Variants in CBFB observed in about 807,000 individuals in gnomAD.
CBFB encodes CBF-beta.
CBFB carries 9 observed loss-of-function variants against 30.4 expected under a neutral mutation model. The ratio of observed to expected loss-of-function variants is 0.30; its 90% CI spans 0.18 to 0.52. The LOEUF (loss-of-function observed/expected upper bound fraction) is 0.52. Among genes scored for constraint, CBFB ranks in the 20% least tolerant of loss-of-function variants. The pLI, the probability that CBFB is intolerant of heterozygous loss-of-function variation, is 0.97. For synonymous variants in CBFB, 94 were observed against 84.0 expected (o/e 1.12, Z -0.65); for missense variants, 170 against 244.0 (o/e 0.70, Z 2.02).
intron 3 of CBFB, among the ~76,000 whole-genome samples, chr16:67,048,752 A>C (rs1597131714): frequency 7.0e-6 from 1 of 143,026 alleles, no homozygotes; most frequent in Non-Finnish European, 1.5e-5. Context: ...ACGGGTTTTC[A>C]CCATGTTAGC....
At chr16:67,029,861 C>A in intron 2 of CBFB, 48 bp downstream of exon 2, 1 of 1,408,736 alleles carries the variant, frequency 7.1e-7, no homozygotes, top group Non-Finnish European at 9.6e-7. Context: ...TTGCGCGGGG[C>A]CGCGGCGGCC....
intron 4 of CBFB, among the ~76,000 whole-genome samples, chr16:67,074,947 CT>C (rs1795158671): frequency 6.6e-6 from 1 of 152,136 alleles, no homozygotes; most frequent in Non-Finnish European, 1.5e-5. Context: ...AATCCCAACA[CT>C]TTGGGTGGCC....
intron 5 of CBFB, 67 bp from the exon 6 acceptor site, chr16:67,098,641 ATT>A: frequency 1.1e-6 from 1 of 911,758 alleles, no homozygotes; most frequent in East Asian, 2.5e-5. Flanking sequence ...ACTGTCTTGT[ATT>A]TTGTATATCT....
Position 67,029,363 on chromosome 16 carries a change from G to C in CBFB, c.-45G>C. The C allele has an allele frequency of 1.4e-6, 2 of 1,411,568 alleles. No individual in the cohort carries two copies. Among genetic ancestry groups the C allele is most frequent in the African/African-American group, 1.5e-5 (1 of 66,340 alleles). 87.4% of individuals were successfully genotyped at this position (1,411,568 alleles called of 1,614,324 possible). ...GCGGAGCCAGCCAGCGGGTGCCCGC[G>C]CAAGCCCCGAGCGCGGCCGGCCGGC... On this transcript the variant is annotated 5_prime_UTR_variant, in exon 1 of 6. Coordinates refer to ENST00000412916, the MANE Select transcript of CBFB (RefSeq NM_022845.3).
intron 3 of CBFB, among the ~76,000 whole-genome samples, chr16:67,056,410 G>A (rs1960725122): frequency 6.6e-6 from 1 of 152,162 alleles, no homozygotes; most frequent in Non-Finnish European, 1.5e-5. Flanking sequence ...GAAGATGTTA[G>A]GCTAGAAGGA....
chr16:67,098,707 C>T lies in CBFB; in HGVS notation c.496-3C>T, dbSNP rs369408651. On this transcript the variant is annotated splice_region_variant and splice_polypyrimidine_tract_variant and intron_variant, in intron 5 of 5. Transcript: ENST00000412916. ...ACCCCAAATTATGATTTTGTCATTG[C>T]AGGCAAGAAGACAACAAGACCCTAG... 6 of 1,595,534 alleles carry T rather than the reference C, an allele frequency of 3.8e-6. No homozygotes were observed. The highest frequency in any genetic ancestry group is 4.3e-6 in the Non-Finnish European group (5 of 1,163,956).
intron 1 of CBFB, 72 bp downstream of exon 1, chr16:67,029,557 G>C: frequency 6.8e-7 from 1 of 1,471,178 alleles, no homozygotes; most frequent in Non-Finnish European, 9.2e-7. Context: ...AAAAGTTTGG[G>C]CGGCACGGTC....
At chr16:67,047,031 G>A (rs1434495055) in intron 3 of CBFB, among the ~76,000 whole-genome samples, 1 of 151,966 alleles carries the variant, frequency 6.6e-6, no homozygotes, top group South Asian at 2.1e-4. Flanking sequence ...CATTTGAAGG[G>A]CCGGGCGCAG....
intron 4 of CBFB, among the ~76,000 whole-genome samples, chr16:67,074,677 G>A (rs564371501): frequency 5.3e-5 from 8 of 151,972 alleles, no homozygotes; most frequent in Non-Finnish European, 7.4e-5. Flanking sequence ...CACTGTGCCC[G>A]GCCGAAACAG....
chr16:67,029,455 G>GT lies in CBFB; in HGVS notation c.54dup (p.Arg19Ter). 1.9e-6 allele frequency: 3 copies of GT among 1,592,084 alleles called. No individual in the cohort carries two copies. The highest frequency in any genetic ancestry group is 1.4e-5 in the African/African-American group (1 of 72,552). ...AGAGAAGCAAGTTCGAGAACGAGGA[G>GT]TTTTTTAGGAAGCTGAGCCGCGAGT... is the stretch of plus-strand genomic sequence containing the variant. On this transcript the variant is annotated frameshift_variant, in exon 1 of 6. Coordinates refer to ENST00000412916, the MANE Select transcript of CBFB (RefSeq NM_022845.3). LOFTEE classifies it high-confidence loss of function.
intron 4 of CBFB, among the ~76,000 whole-genome samples, chr16:67,076,185 G>A (rs1247504618): frequency 2.7e-5 from 4 of 147,822 alleles, no homozygotes; most frequent in Non-Finnish European, 4.4e-5. Context: ...AGCTGAGATC[G>A]CGCCACTGCA....
intron 4 of CBFB, among the ~76,000 whole-genome samples, chr16:67,069,227 G>T (rs552619432): frequency 1.3e-5 from 2 of 151,814 alleles, no homozygotes; most frequent in East Asian, 1.9e-4. Flanking sequence ...AAAAAACGCC[G>T]AGTGTTGTGG....
At chr16:67,048,550 GTTT>G (rs1166361600) in intron 3 of CBFB, among the ~76,000 whole-genome samples, 3 of 151,974 alleles carry the variant, frequency 2.0e-5, no homozygotes, top group Non-Finnish European at 4.4e-5. Context: ...ACTGAATGGT[GTTT>G]TTTGTTTGTT....
At chr16:67,029,909 C>T (rs1398164074) in intron 2 of CBFB, 96 bp downstream of exon 2, 2 of 744,350 alleles carry the variant, frequency 2.7e-6, no homozygotes, top group African/African-American at 3.8e-5. Context: ...TGCTGCGGCT[C>T]CCGGAACTGA....
chr16:67,042,895 G>A (rs989093999), intron 3 of CBFB, among the ~76,000 whole-genome samples: 1 of 151,998 alleles, frequency 6.6e-6, no homozygotes, highest in African/African-American at 2.4e-5. Flanking sequence ...GCCACCACAT[G>A]TGGCTAATTT....
intron 3 of CBFB, among the ~76,000 whole-genome samples, chr16:67,050,917 T>C (rs1327775464): frequency 6.6e-6 from 1 of 152,184 alleles, no homozygotes; most frequent in Admixed American, 6.6e-5. Flanking sequence ...ACTAAGTAAC[T>C]AATGGACACA....
intron 3 of CBFB, among the ~76,000 whole-genome samples, chr16:67,057,442 T>C (rs1960763873): frequency 6.6e-6 from 1 of 152,184 alleles, no homozygotes; most frequent in African/African-American, 2.4e-5. Flanking sequence ...CATCTTTGAT[T>C]AAGTTTTAGG....
chr16:67,029,212 C>T lies in CBFB; in HGVS notation c.-196C>T. ...GAGGCGGCGGCGGCGGCGGCGGCGG[C>T]GTGGGTTGGGCTCGAGCGGGCGGCG... On this transcript the variant is annotated 5_prime_UTR_variant, in exon 1 of 6. Transcript: ENST00000412916. 3.9e-6 allele frequency: 1 copy of T among 253,970 alleles called. No individual in the cohort carries two copies. The highest frequency in any genetic ancestry group is 7.0e-6 in the Non-Finnish European group (1 of 142,670). The allele number at this position is 253,970 out of a possible 1,614,324, so 15.7% of individuals were successfully genotyped here.
At chr16:67,063,219 T>C (rs1034300904) in intron 3 of CBFB, among the ~76,000 whole-genome samples, 8 of 152,342 alleles carry the variant, frequency 5.3e-5, no homozygotes, top group East Asian at 3.9e-4. Flanking sequence ...TGAGCACTTA[T>C]CAGAACAGAA....
Sources: gnomAD v4.1 joint callset for allele counts (sites outside exome capture counted in the v4.1 genomes callset) on GRCh38, gnomAD v4.1.1 for gene constraint, MANE v1.5 for transcripts, NCBI Gene and HGNC (gene_info 2026-07-23, HGNC 2026-07-21) for gene names.